DNHD1: variants seen among roughly 807,000 people sequenced by gnomAD.
DNHD1 encodes the protein dynein heavy chain domain-containing protein 1.
DNHD1 carries 383 observed loss-of-function variants against 458.1 expected under a neutral mutation model. The ratio of observed to expected loss-of-function variants is 0.84; its 90% confidence interval spans 0.77 to 0.91. The LOEUF (loss-of-function observed/expected upper bound fraction) is 0.91. DNHD1 is among the 40% of genes least tolerant of loss of function. DNHD1 has a pLI of 0.00. For missense variants in DNHD1, 5,336 were observed against 5,866.1 expected (o/e 0.91, Z 2.95); for synonymous variants, 2,203 against 2,376.9 (o/e 0.93, Z 2.13).
At chr11:6,518,005 T>C (rs1852521330) in intron 7 of DNHD1, among the ~76,000 whole-genome samples, 1 of 152,220 alleles carries the variant, frequency 6.6e-6, no homozygotes, top group Non-Finnish European at 1.5e-5. Flanking sequence ...TATCTAAAAA[T>C]GTTTTTATTT....
chr11:6,528,399 G>A (rs1042355137), intron 10 of DNHD1, 123 bp from the exon 11 acceptor site: 13 of 1,186,898 alleles, frequency 1.1e-5, no homozygotes, highest in East Asian at 2.7e-5. Context: ...CATGAGCAGC[G>A]AATGGGTGTG....
chr11:6,503,404 C>A (rs1277059095), intron 4 of DNHD1: 6 of 152,552 alleles, frequency 3.9e-5, no homozygotes, highest in Admixed American at 3.3e-4. Context: ...GCTATAAAAA[C>A]AGGTCTCCTC....
At chr11:6,538,268 A>G (rs764661321) in intron 14 of DNHD1, 115 bp from the exon 15 acceptor site, 5 of 569,294 alleles carry the variant, frequency 8.8e-6, no homozygotes, top group Non-Finnish European at 1.2e-5. Context: ...CCCCACCCCC[A>G]ACCATCACTT....
chr11:6,537,487 A>G (rs1455928165), intron 14 of DNHD1, among the ~76,000 whole-genome samples: 2 of 152,288 alleles, frequency 1.3e-5, no homozygotes, highest in African/African-American at 2.4e-5. Context: ...GAGAAAGACA[A>G]TAAACAATGA....
In DNHD1 at chr11:6,558,521, C is replaced by CT. The variant is rs1853517940; in HGVS notation, c.9041dup (p.Leu3015ProfsTer5). On this transcript the variant is annotated frameshift_variant, in exon 26 of 43. Coordinates refer to ENST00000254579, the MANE Select transcript of DNHD1 (RefSeq NM_144666.3). LOFTEE classifies it high-confidence loss of function. ...AAGTGTGCAGCCACCTTCACCTGTT[C>CT]TTCCTGATTGGAGATAAACAGGCCC... 6.4e-7 allele frequency: 1 copy of CT among 1,551,608 alleles called. No individual in the cohort carries two copies. The highest frequency in any genetic ancestry group is 8.7e-7 in the Non-Finnish European group (1 of 1,147,008).
rs1212935992 is a variant in DNHD1, at chr11:6,505,777, A to G, written c.920+2851A>G. Among the ~76,000 whole-genome samples the G allele has an allele frequency of 1.3e-5, 2 of 152,228 alleles. No individual in the cohort carries two copies. The highest frequency in any genetic ancestry group is 2.9e-5 in the Non-Finnish European group (2 of 68,042). On this transcript the variant is annotated intron_variant, in intron 4 of 42. Coordinates refer to ENST00000254579, the MANE Select transcript of DNHD1 (RefSeq NM_144666.3). This position sits in a 1 kb window ranked among gnomAD's most constrained non-coding sequence, Gnocchi z 4.4. Reference sequence around the variant, plus strand: ...ATGGGAAATAGGATACTAGTAATCCATGACACACAGTGGCATCACAATTAA... The same window carrying G: ...ATGGGAAATAGGATACTAGTAATCCGTGACACACAGTGGCATCACAATTAA...
intron 24 of DNHD1, among the ~76,000 whole-genome samples, chr11:6,553,040 T>C (rs867159056): frequency 2.0e-5 from 3 of 152,150 alleles, no homozygotes; most frequent in Non-Finnish European, 4.4e-5. Flanking sequence ...TACTAAGCCA[T>C]GATGAAGACA....
At chr11:6,554,142 G>A (rs1780217533) in intron 24 of DNHD1, among the ~76,000 whole-genome samples, 2 of 152,242 alleles carry the variant, frequency 1.3e-5, no homozygotes, top group South Asian at 4.1e-4. Context: ...ATATACATAT[G>A]GACTAATGGA....
intron 14 of DNHD1, among the ~76,000 whole-genome samples, chr11:6,535,848 TGAG>T (rs748036286): frequency 7.2e-5 from 11 of 152,120 alleles, no homozygotes; most frequent in Admixed American, 5.9e-4. Flanking sequence ...GCAAATTTGA[TGAG>T]GAGCAGAATA....
intron 7 of DNHD1, 113 bp downstream of exon 7, chr11:6,511,542 A>G: frequency 7.2e-7 from 1 of 1,382,246 alleles, no homozygotes; most frequent in Non-Finnish European, 9.8e-7. Context: ...TGGACTCTAC[A>G]GTTGAATCAG....
At position 6,545,874 on chromosome 11, in the gene DNHD1, G is replaced by A; in HGVS notation, c.4935G>A (p.Arg1645=). ...PAACWIDVLG[R]SFLYNYEYLG... ...CATGCTGGATAGATGTGCTAGGCAG[G>A]TCCTTCCTGTACAATTACGAGTATC... is the stretch of plus-strand genomic sequence containing the variant. Residue 1645 remains arginine, a synonymous_variant, in exon 21 of 43, where the codon AGG becomes AGA. Transcript: ENST00000254579. The surrounding 1 kb of genome is among the most constrained non-coding windows in gnomAD (Gnocchi z 4.9). 5 of 1,551,814 alleles carry A rather than the reference G, an allele frequency of 3.2e-6. No homozygotes were observed. In the South Asian group the frequency reaches 4.8e-5, roughly 15 times the overall value.
At chr11:6,569,233 T>C (rs7928588) in intron 39 of DNHD1, among the ~76,000 whole-genome samples, 86,139 of 151,890 alleles carry the variant, frequency 0.57, 26,324 homozygotes, top group African/African-American at 0.81. Context: ...GCCTGTAATC[T>C]CAGCACTTTG....
At chr11:6,512,454 C>A (rs570672996) in intron 7 of DNHD1, among the ~76,000 whole-genome samples, 1 of 151,650 alleles carries the variant, frequency 6.6e-6, no homozygotes, top group Non-Finnish European at 1.5e-5. Flanking sequence ...GATCTCCTGA[C>A]CTTGTGATCC....
In DNHD1 at chr11:6,557,589, G is replaced by A. The variant is rs1309952885; in HGVS notation, c.8294G>A (p.Ser2765Asn). The change falls in exon 25 of 43, where the codon AGT becomes AAT. Residue 2765 changes from serine (S) to asparagine (N), a missense_variant. By Grantham distance (46) the Ser-to-Asn change is conservative (BLOSUM62 1). Transcript: ENST00000254579. ...AGCAGGGGGATGAAGGAAAGCATAAGTCACAAGATAAGGCAAGAGAAAGGC... is the reference window on the plus strand; with the variant it reads ...AGCAGGGGGATGAAGGAAAGCATAAATCACAAGATAAGGCAAGAGAAAGGC... Reference protein sequence around the residue: ...PVSRGMKESISHKIRQEKGTR... With the variant: ...PVSRGMKESINHKIRQEKGTR... 6.4e-7 allele frequency: 1 copy of A among 1,551,772 alleles called. No individual in the cohort carries two copies. Among genetic ancestry groups the A allele is most frequent in the Admixed American group, 2.0e-5 (1 of 51,008 alleles).
At position 6,539,457 on chromosome 11, in the gene DNHD1, T is replaced by A. The variant is rs1471197472; in HGVS notation, c.3420+144T>A. 2.1e-5 allele frequency: 14 copies of A among 653,230 alleles called. No individual in the cohort carries two copies. The Admixed American group carries it at 3.7e-4, about 17-fold the overall frequency. The allele number at this position is 653,230 out of a possible 1,614,324, so 40.5% of individuals were successfully genotyped here. On this transcript the variant is annotated intron_variant, in intron 17 of 42. Coordinates refer to ENST00000254579, the MANE Select transcript of DNHD1 (RefSeq NM_144666.3). ...GCCTGAAGGGCAGGAACAGTTTCTT[T>A]AAGTCTCCAGATGGGGATCTCTTGT... is the stretch of plus-strand genomic sequence containing the variant.
At chr11:6,523,175 G>T (rs912604039) in intron 10 of DNHD1, among the ~76,000 whole-genome samples, 1 of 152,148 alleles carries the variant, frequency 6.6e-6, no homozygotes, top group African/African-American at 2.4e-5. Context: ...AGAGACAAAG[G>T]ATTGCCTAAT....
rs1852084539 is a variant in DNHD1, at chr11:6,498,813, G to T, written c.598G>T (p.Val200Phe). The T allele has an allele frequency of 1.2e-6, 2 of 1,614,264 alleles. No homozygotes were observed. The highest frequency in any genetic ancestry group is 1.3e-5 in the African/African-American group (1 of 75,074). ...LPELQRCLGI[V>F]GAQVALEEAV... Reference sequence around the variant, plus strand: ...TGAGCTACAGCGCTGCCTGGGCATTGTTGGTGCTCAGGTGGCCCTAGAAGA... The same window carrying T: ...TGAGCTACAGCGCTGCCTGGGCATTTTTGGTGCTCAGGTGGCCCTAGAAGA... The change falls in exon 3 of 43, where the codon GTT becomes TTT. Residue 200 changes from valine to phenylalanine, a missense_variant. Around this residue, in one of 4 missense-constraint regions of DNHD1, gnomAD observed 3,932 missense variants for 4,365.6 expected, o/e 0.90. Transcript: ENST00000254579.
intron 7 of DNHD1, among the ~76,000 whole-genome samples, chr11:6,516,370 T>G (rs1421624666): frequency 6.6e-6 from 1 of 151,052 alleles, no homozygotes; most frequent in Non-Finnish European, 1.5e-5. Flanking sequence ...CTTGGTTGGC[T>G]CACTGCAACC....
intron 7 of DNHD1, among the ~76,000 whole-genome samples, chr11:6,512,840 T>G (rs1852373942): frequency 6.6e-6 from 1 of 152,196 alleles, no homozygotes; most frequent in South Asian, 2.1e-4. Flanking sequence ...GGGATATTAT[T>G]GAACGTCTTT....
Sources: allele counts gnomAD v4.1 joint callset (sites outside exome capture counted in the v4.1 genomes callset), GRCh38; gene constraint gnomAD v4.1.1; regional missense constraint gnomAD v4.1.1; non-coding constraint Gnocchi (gnomAD v3.1); transcripts MANE v1.5; gene names NCBI Gene and HGNC (gene_info 2026-07-23, HGNC 2026-07-21).